COLEC12: variants seen among roughly 807,000 people sequenced by gnomAD.
COLEC12 encodes collectin subfamily member 12.
COLEC12 carries 33 observed loss-of-function variants against 71.1 expected under a neutral mutation model. That is an observed-to-expected ratio of 0.46 (90% CI 0.35 to 0.62). The LOEUF is 0.62. Ranked by LOEUF, COLEC12 falls within the 20% of genes least tolerant of loss-of-function variation. The pLI, the probability that COLEC12 is intolerant of heterozygous loss-of-function variation, is 0.00. For missense variants in COLEC12, 765 were observed against 916.1 expected (o/e 0.84, Z 2.13); for synonymous variants, 350 against 353.0 (o/e 0.99, Z 0.10).
In COLEC12 at chr18:381,419, A is replaced by T. The variant is rs533383023; in HGVS notation, c.59-23897T>A. ...GATTTGATCATTATACACTGCATAC[A>T]TGTATCAAAATATCACACTGTACCC... is the stretch of plus-strand genomic sequence containing the variant. On this transcript the variant is annotated intron_variant, in intron 2 of 9. Coordinates refer to ENST00000400256, the MANE Select transcript of COLEC12 (RefSeq NM_130386.3). Among the ~76,000 whole-genome samples, 18 of 152,328 alleles carry T rather than the reference A, an allele frequency of 1.2e-4. No homozygotes were observed. The South Asian group carries it at 1.9e-3, about 16-fold the overall frequency.
intron 3 of COLEC12, among the ~76,000 whole-genome samples, chr18:348,826 T>C (rs2143478750): frequency 6.6e-6 from 1 of 152,308 alleles, no homozygotes; most frequent in East Asian, 1.9e-4. Context: ...TTTGGTAGTA[T>C]TTTCTTGATT....
Position 500,314 on chromosome 18 carries a change from G to A in COLEC12, c.7+194C>T, listed in dbSNP as rs1917796286. On this transcript the variant is annotated intron_variant, in intron 1 of 9. Coordinates refer to ENST00000400256, the MANE Select transcript of COLEC12 (RefSeq NM_130386.3). This position sits in a 1 kb window ranked among gnomAD's most constrained non-coding sequence, Gnocchi z 5.3. ...CGCGCTTCAAAACCCCAACCTCGAG[G>A]TCTCCAGCCGCGCCTGACCCGGGAG... Among the ~76,000 whole-genome samples, 1 of 152,104 alleles carries A rather than the reference G, an allele frequency of 6.6e-6. No individual in the cohort carries two copies. The highest frequency in any genetic ancestry group is 6.5e-5 in the Admixed American group (1 of 15,288).
chr18:412,881 G>A (rs1915919756), intron 2 of COLEC12, among the ~76,000 whole-genome samples: 1 of 151,942 alleles, frequency 6.6e-6, no homozygotes, highest in Admixed American at 6.6e-5. Flanking sequence ...ATAACCCACT[G>A]GCAGGCAAAA....
intron 9 of COLEC12, among the ~76,000 whole-genome samples, chr18:321,040 C>A (rs1364489594): frequency 6.6e-6 from 1 of 152,148 alleles, no homozygotes; most frequent in Non-Finnish European, 1.5e-5. Flanking sequence ...CGGAAAAGAA[C>A]TAACATTGGT....
At chr18:374,780 C>T (rs957383805) in intron 2 of COLEC12, among the ~76,000 whole-genome samples, 4 of 152,126 alleles carry the variant, frequency 2.6e-5, no homozygotes, top group Non-Finnish European at 5.9e-5. Context: ...GCCACTGGCC[C>T]CAATAACTAA....
chr18:325,538 G>A (rs1337487750), intron 8 of COLEC12, among the ~76,000 whole-genome samples: 3 of 151,014 alleles, frequency 2.0e-5, no homozygotes, highest in African/African-American at 7.3e-5. Flanking sequence ...GGCTCCCGCA[G>A]GTCTAGCAGG....
chr18:354,145 T>C (rs1487336075), intron 3 of COLEC12, among the ~76,000 whole-genome samples: 6 of 152,246 alleles, frequency 3.9e-5, no homozygotes, highest in African/African-American at 1.2e-4. Flanking sequence ...ACATGACACA[T>C]TGAACTTAAG....
Position 347,044 on chromosome 18 carries a change from T to C in COLEC12, c.578A>G (p.Gln193Arg), listed in dbSNP as rs1914395727. The change falls in exon 5 of 10, where the codon CAG becomes CGG. Residue 193 changes from glutamine to arginine, a missense_variant. Gln to Arg is a conservative substitution (Grantham distance 43, BLOSUM62 1). Coordinates refer to ENST00000400256, the MANE Select transcript of COLEC12 (RefSeq NM_130386.3). ...QDTSVLQGNL[Q>R]NQMYSHNVVI... ...CACATTATGAGAATACATTTGGTTC[T>C]GCAGATTGCCCTGGAGCACGCTGGT... The C allele has an allele frequency of 3.7e-6, 6 of 1,614,130 alleles. No individual in the cohort carries two copies. In the South Asian group the frequency reaches 5.5e-5, roughly 15 times the overall value.
At chr18:358,559 G>T (rs1158408020) in intron 2 of COLEC12, among the ~76,000 whole-genome samples, 1 of 152,172 alleles carries the variant, frequency 6.6e-6, no homozygotes, top group Non-Finnish European at 1.5e-5. Flanking sequence ...AGAATCTAAT[G>T]CTGCCACTGA....
At chr18:378,203 C>T (rs1348146751) in intron 2 of COLEC12, among the ~76,000 whole-genome samples, 1 of 152,142 alleles carries the variant, frequency 6.6e-6, no homozygotes, top group Non-Finnish European at 1.5e-5. Flanking sequence ...TCCCGGGCAG[C>T]CAACACATTT....
At chr18:340,464 T>C (rs1355813629) in intron 5 of COLEC12, among the ~76,000 whole-genome samples, 2 of 152,160 alleles carry the variant, frequency 1.3e-5, no homozygotes, top group Admixed American at 6.5e-5. Context: ...AATAAGCAGT[T>C]CAAAGAGGAT....
intron 8 of COLEC12, among the ~76,000 whole-genome samples, chr18:324,661 T>C (rs1913794110): frequency 6.6e-6 from 1 of 150,840 alleles, no homozygotes; most frequent in South Asian, 2.1e-4. Context: ...AAACCCCATC[T>C]CTACTAAAAA....
chr18:376,946 G>A (rs1186851591), intron 2 of COLEC12, among the ~76,000 whole-genome samples: 2 of 152,322 alleles, frequency 1.3e-5, no homozygotes, highest in South Asian at 2.1e-4. Context: ...TGTAAAGTAC[G>A]AGCTCTTGCC....
rs187059071 is a variant in COLEC12, at chr18:399,733, C to T, written c.59-42211G>A. ...GGGATGCGGAATTTGGGGTGGATGC[C>T]GAGCGCTGGGAAGGAATATGCCCTC... On this transcript the variant is annotated intron_variant, in intron 2 of 9. Coordinates refer to ENST00000400256, the MANE Select transcript of COLEC12 (RefSeq NM_130386.3). This position sits in a 1 kb window ranked among gnomAD's most constrained non-coding sequence, Gnocchi z 4.0. 3.9e-5 allele frequency among the ~76,000 whole-genome samples: 6 copies of T among 152,196 alleles called. No homozygotes were observed. Among genetic ancestry groups the T allele is most frequent in the Admixed American group, 2.0e-4 (3 of 15,276 alleles).
intron 2 of COLEC12, among the ~76,000 whole-genome samples, chr18:474,870 C>G (rs1437968460): frequency 2.0e-5 from 3 of 151,980 alleles, no homozygotes; most frequent in Non-Finnish European, 4.4e-5. Flanking sequence ...GTCAGGAGTT[C>G]AAGACCAGCC....
rs374994777 is a variant in COLEC12 at position 463,618 on chromosome 18, G to A, written c.58+17089C>T. On this transcript the variant is annotated intron_variant, in intron 2 of 9. Transcript: ENST00000400256. ...CTGTTCTCTCCCCACCTGACCCTTCGGATCTCAGTGGACAGATGCTATCAG... is the reference window on the plus strand; with the variant it reads ...CTGTTCTCTCCCCACCTGACCCTTCAGATCTCAGTGGACAGATGCTATCAG... Among the ~76,000 whole-genome samples the A allele has an allele frequency of 2.6e-4, 40 of 152,036 alleles. 1 individual carries two copies. Among genetic ancestry groups the A allele is most frequent in the Non-Finnish European group, 2.9e-5 (2 of 68,016 alleles).
At chr18:470,188 G>A (rs981480856) in intron 2 of COLEC12, among the ~76,000 whole-genome samples, 2 of 150,450 alleles carry the variant, frequency 1.3e-5, no homozygotes, top group African/African-American at 4.9e-5. Context: ...ACTTTGGAAG[G>A]CCAAGGTAGG....
chr18:431,460 C>G (rs149966612), intron 2 of COLEC12, among the ~76,000 whole-genome samples: 4 of 152,318 alleles, frequency 2.6e-5, no homozygotes, highest in South Asian at 2.1e-4. Context: ...TGAGACCCAA[C>G]TGGTTATCAA....
At chr18:364,396 T>C (rs1914813041) in intron 2 of COLEC12, among the ~76,000 whole-genome samples, 1 of 152,212 alleles carries the variant, frequency 6.6e-6, no homozygotes, top group African/African-American at 2.4e-5. Context: ...ATGCTTTCAA[T>C]TCCAAGGAGA....
Sources: allele counts gnomAD v4.1 joint callset (sites outside exome capture counted in the v4.1 genomes callset), GRCh38; gene constraint gnomAD v4.1.1; non-coding constraint Gnocchi (gnomAD v3.1); transcripts MANE v1.5; gene names NCBI Gene and HGNC (gene_info 2026-07-23, HGNC 2026-07-21).